Variants in RNGTT observed in about 807,000 individuals in gnomAD.
RNGTT encodes the protein RNA guanylyltransferase and 5'-phosphatase.
A neutral mutation model predicts 79.3 loss-of-function variants in RNGTT; 33 were observed. The observed-to-expected ratio is 0.42, with a 90% CI of 0.32 to 0.56. RNGTT has a LOEUF of 0.56. Among genes scored for constraint, RNGTT ranks in the 20% least tolerant of loss-of-function variants. The probability of loss-of-function intolerance (pLI) is 0.17; values close to 1 mark genes in which losing one functional copy is unlikely to be tolerated. For synonymous variants in RNGTT, 222 were observed against 235.9 expected, an observed-to-expected ratio of 0.94 and a Z score of 0.54; for missense variants, 497 against 739.1, an observed-to-expected ratio of 0.67 and a Z score of 3.80.
At position 88,827,607 on chromosome 6, in the gene RNGTT, A is replaced by G. The variant is rs9451092; in HGVS notation, c.1269+16750T>C. Among the ~76,000 whole-genome samples the G allele has an allele frequency of 7.8e-3, 1,187 of 151,994 alleles. 8 individuals are homozygous for G. The highest frequency in any genetic ancestry group is 0.026 in the African/African-American group (1,098 of 41,444). The stretch of plus-strand genomic sequence containing the variant: ...CAAGTGGTCTAGATCAGCAAATCCC[A>G]CCCCCATGGAGCCCAGCAAACTAAG... On this transcript the variant is annotated intron_variant, in intron 11 of 15. Coordinates refer to ENST00000369485, the MANE Select transcript of RNGTT (RefSeq NM_003800.5).
rs572306888 is a variant in RNGTT, at chr6:88,764,985, G to T, written c.1439+4789C>A. ...AGGCAGGTGGATCATCAGGTCAGGA[G>T]ATCGAGACCATCCTGGCTAACACGG... On this transcript the variant is annotated intron_variant, in intron 13 of 15. Coordinates refer to ENST00000369485, the MANE Select transcript of RNGTT (RefSeq NM_003800.5). Among the ~76,000 whole-genome samples the T allele has an allele frequency of 9.9e-5, 15 of 152,246 alleles. No individual in the cohort carries two copies. In the South Asian group the frequency reaches 3.1e-3, roughly 32 times the overall value.
intron 14 of RNGTT, among the ~76,000 whole-genome samples, chr6:88,668,118 C>G (rs1029116304): frequency 1.3e-5 from 2 of 152,176 alleles, no homozygotes; most frequent in Non-Finnish European, 2.9e-5. Flanking sequence ...AGCTTATTCT[C>G]CCCAGTTTAC....
At chr6:88,669,300 C>T (rs1187333826) in intron 14 of RNGTT, among the ~76,000 whole-genome samples, 1 of 152,236 alleles carries the variant, frequency 6.6e-6, no homozygotes, top group Non-Finnish European at 1.5e-5. Flanking sequence ...ATTCCCTCAA[C>T]ATTACTTCCT....
chr6:88,710,586 C>G (rs1004308660), intron 13 of RNGTT, among the ~76,000 whole-genome samples: 9 of 152,154 alleles, frequency 5.9e-5, no homozygotes, highest in South Asian at 2.1e-4. Flanking sequence ...AACGGTGAAG[C>G]ACAACCTGTT....
At chr6:88,911,010 G>A (rs903703105) in intron 4 of RNGTT, among the ~76,000 whole-genome samples, 1 of 152,080 alleles carries the variant, frequency 6.6e-6, no homozygotes, top group Non-Finnish European at 1.5e-5. Context: ...AACAAAAACA[G>A]TATCTGCTAC....
intron 4 of RNGTT, among the ~76,000 whole-genome samples, chr6:88,925,026 G>GC (rs1784275296): frequency 6.6e-6 from 1 of 150,500 alleles, no homozygotes; most frequent in South Asian, 2.1e-4. Context: ...CACCTGTTGT[G>GC]TTTTTTTTTA....
At chr6:88,836,042 C>CAT (rs138214447) in intron 11 of RNGTT, among the ~76,000 whole-genome samples, 14,908 of 135,766 alleles carry the variant, frequency 0.11, 969 homozygotes, top group Non-Finnish European at 0.13. Context: ...ATAAGATTTA[C>CAT]ATATATATAT....
intron 6 of RNGTT, among the ~76,000 whole-genome samples, chr6:88,899,357 G>A (rs1783368109): frequency 6.6e-6 from 1 of 151,810 alleles, no homozygotes. Flanking sequence ...ACTGACTGCA[G>A]TCTCAACCTC....
chr6:88,823,665 A>G (rs2127881758), intron 11 of RNGTT, among the ~76,000 whole-genome samples: 1 of 152,322 alleles, frequency 6.6e-6, no homozygotes, highest in Admixed American at 6.5e-5. Context: ...ATGGATGGAT[A>G]GAGAAATAGA....
rs78502487 is a variant in RNGTT at position 88,942,932 on chromosome 6, T to C, written c.65-1752A>G. Among the ~76,000 whole-genome samples, 304 of 152,228 alleles carry C rather than the reference T, an allele frequency of 2.0e-3. 2 individuals carry two copies. The highest frequency in any genetic ancestry group is 3.6e-3 in the Non-Finnish European group (244 of 68,002). ...TTTCACCTAAATTCCAGAATACTAT[T>C]ATATCCTCCTGGTTTTCCTTCTAGC... On this transcript the variant is annotated intron_variant, in intron 1 of 15. Coordinates refer to ENST00000369485, the MANE Select transcript of RNGTT (RefSeq NM_003800.5).
intron 2 of RNGTT, among the ~76,000 whole-genome samples, chr6:88,935,106 A>G (rs1784625101): frequency 6.6e-6 from 1 of 152,172 alleles, no homozygotes; most frequent in Non-Finnish European, 1.5e-5. Context: ...TTGATTTTGT[A>G]TATGGTGAGA....
intron 13 of RNGTT, among the ~76,000 whole-genome samples, chr6:88,683,748 C>T (rs765791465): frequency 7.2e-5 from 11 of 152,176 alleles, no homozygotes; most frequent in Non-Finnish European, 1.3e-4. Context: ...GGCATGGTGG[C>T]TCATGCCTGT....
At chr6:88,909,787 A>C (rs946804879) in intron 4 of RNGTT, among the ~76,000 whole-genome samples, 1 of 152,134 alleles carries the variant, frequency 6.6e-6, no homozygotes, top group African/African-American at 2.4e-5. Flanking sequence ...TGCAGCTTGA[A>C]TTACACAGCA....
intron 14 of RNGTT, among the ~76,000 whole-genome samples, chr6:88,636,672 T>C (rs1333910151): frequency 1.3e-5 from 2 of 150,454 alleles, no homozygotes; most frequent in Non-Finnish European, 1.5e-5. Flanking sequence ...CATGATTTAA[T>C]GAAAAAACAC....
At chr6:88,712,665 T>C (rs1469606481) in intron 13 of RNGTT, among the ~76,000 whole-genome samples, 5 of 152,236 alleles carry the variant, frequency 3.3e-5, no homozygotes, top group Non-Finnish European at 7.3e-5. Flanking sequence ...AGCTATGGTC[T>C]CTAATTTTAA....
chr6:88,617,434 TATTG>T (rs1270017288), intron 14 of RNGTT, among the ~76,000 whole-genome samples: 2 of 152,258 alleles, frequency 1.3e-5, no homozygotes, highest in African/African-American at 4.8e-5. Flanking sequence ...TAGTTGAAGA[TATTG>T]ATTGTCCCTT....
intron 1 of RNGTT, among the ~76,000 whole-genome samples, chr6:88,943,672 AAATAAGAAG>A (rs1217995054): frequency 6.6e-6 from 1 of 152,134 alleles, no homozygotes; most frequent in Non-Finnish European, 1.5e-5. Context: ...ATAAATAAAT[AAATAAGAAG>A]ATTCATCCCA....
intron 8 of RNGTT, among the ~76,000 whole-genome samples, chr6:88,863,629 T>A (rs1238510385): frequency 1.3e-5 from 2 of 152,152 alleles, no homozygotes; most frequent in African/African-American, 2.4e-5. Context: ...TGTGTAAATC[T>A]GTCAATTTAA....
intron 4 of RNGTT, among the ~76,000 whole-genome samples, chr6:88,925,192 C>A (rs1328587695): frequency 6.6e-6 from 1 of 152,152 alleles, no homozygotes; most frequent in African/African-American, 2.4e-5. Flanking sequence ...CCTGGCTCAA[C>A]TACTTATTAG....
Sources: allele counts gnomAD v4.1 joint callset (sites outside exome capture counted in the v4.1 genomes callset), GRCh38; gene constraint gnomAD v4.1.1; transcripts MANE v1.5; gene names NCBI Gene and HGNC (gene_info 2026-07-23, HGNC 2026-07-21).